FHIT: variants seen among roughly 807,000 people sequenced by gnomAD.
FHIT encodes bis(5'-adenosyl)-triphosphatase.
Under a neutral mutation model 17.9 loss-of-function variants are expected in FHIT, and 19 were observed. That is an observed-to-expected ratio of 1.06 (90% confidence interval 0.74 to 1.56). FHIT has a LOEUF of 1.56. Among genes scored for constraint, FHIT ranks in the 40% most tolerant of loss-of-function variants. The pLI is 0.00. For missense variants in FHIT, 248 were observed against 189.2 expected (o/e 1.31, Z -1.82); for synonymous variants, 81 against 69.7 (o/e 1.16, Z -0.81).
chr3:60,056,508 C>T (rs1405887108), intron 5 of FHIT, among the ~76,000 whole-genome samples: 1 of 152,228 alleles, frequency 6.6e-6, no homozygotes, highest in Non-Finnish European at 1.5e-5. Flanking sequence ...TGTACCCAAA[C>T]CATCAGCAGT....
At chr3:60,470,584 C>A (rs1481502587) in intron 5 of FHIT, among the ~76,000 whole-genome samples, 1 of 151,926 alleles carries the variant, frequency 6.6e-6, no homozygotes, top group African/African-American at 2.4e-5. Context: ...TGCTGCCAGT[C>A]CTGAGTCTCT....
chr3:61,127,072 T>A (rs2036627970), intron 2 of FHIT, among the ~76,000 whole-genome samples: 1 of 152,178 alleles, frequency 6.6e-6, no homozygotes, highest in Non-Finnish European at 1.5e-5. Flanking sequence ...CCATCTCTTC[T>A]CCAAGGCAAG....
chr3:60,115,853 T>G (rs1427371256), intron 5 of FHIT, among the ~76,000 whole-genome samples: 1 of 148,954 alleles, frequency 6.7e-6, no homozygotes, highest in Non-Finnish European at 1.5e-5. Context: ...ACATATATAT[T>G]ATAAATCTAC....
intron 5 of FHIT, among the ~76,000 whole-genome samples, chr3:60,297,218 T>C (rs1708252606): frequency 6.7e-6 from 1 of 148,562 alleles, no homozygotes; most frequent in Non-Finnish European, 1.5e-5. Flanking sequence ...ATTAAAACTC[T>C]GTATCAACTT....
At chr3:60,105,553 A>T (rs746199140) in intron 5 of FHIT, among the ~76,000 whole-genome samples, 7 of 152,196 alleles carry the variant, frequency 4.6e-5, no homozygotes, top group Non-Finnish European at 4.4e-5. Flanking sequence ...GGTGAAACAT[A>T]TAAGAATATT....
intron 5 of FHIT, among the ~76,000 whole-genome samples, chr3:60,102,945 G>T (rs1364672766): frequency 6.6e-6 from 1 of 152,174 alleles, no homozygotes; most frequent in African/African-American, 2.4e-5. Context: ...GTGCCATATG[G>T]GGGAGTTGTG....
At chr3:61,233,415 C>T (rs1166515967) in intron 1 of FHIT, among the ~76,000 whole-genome samples, 1 of 152,202 alleles carries the variant, frequency 6.6e-6, no homozygotes, top group Non-Finnish European at 1.5e-5. Context: ...CCGTAGAATA[C>T]TCAGTGGCAC....
intron 5 of FHIT, among the ~76,000 whole-genome samples, chr3:60,436,583 T>A (rs1264959675): frequency 6.6e-6 from 1 of 151,952 alleles, no homozygotes; most frequent in Non-Finnish European, 1.5e-5. Flanking sequence ...TTTACTTTGA[T>A]ATTTCAGCAG....
chr3:59,759,536 G>A (rs1376839019), intron 8 of FHIT, among the ~76,000 whole-genome samples: 1 of 152,140 alleles, frequency 6.6e-6, no homozygotes, highest in Non-Finnish European at 1.5e-5. Context: ...TGGCTTCCCT[G>A]CCAAGATTGC....
Position 60,168,381 on chromosome 3 carries a change from T to C in FHIT, c.104-154229A>G, listed in dbSNP as rs527395910. 3.3e-5 allele frequency among the ~76,000 whole-genome samples: 5 copies of C among 152,280 alleles called. 1 individual carries two copies. The East Asian group carries it at 7.8e-4, about 24-fold the overall frequency. On this transcript the variant is annotated intron_variant, in intron 5 of 9. Transcript: ENST00000492590. ...CATGAGCCCTCTGATTATGCAAGGT[T>C]CCTGTTAATGGATCTCTGCCAATAC...
chr3:59,918,322 C>A (rs1413470040), intron 8 of FHIT, among the ~76,000 whole-genome samples: 1 of 151,882 alleles, frequency 6.6e-6, no homozygotes, highest in Non-Finnish European at 1.5e-5. Context: ...TTGGGGGATG[C>A]AGGTATTGAA....
At chr3:60,791,434 A>C (rs183941224) in intron 4 of FHIT, among the ~76,000 whole-genome samples, 1 of 152,322 alleles carries the variant, frequency 6.6e-6, no homozygotes, top group East Asian at 1.9e-4. Flanking sequence ...CTGCCTGACC[A>C]TTATTACTTC....
chr3:60,787,179 A>G lies in FHIT; in HGVS notation c.-18+34740T>C, dbSNP rs574889773. On this transcript the variant is annotated intron_variant, in intron 4 of 9. Transcript: ENST00000492590. ...ATGACCCATGTGGGTATAAAGAGAAATTTTTATCATATTAGAAAAAATATA... is the reference window on the plus strand; with the variant it reads ...ATGACCCATGTGGGTATAAAGAGAAGTTTTTATCATATTAGAAAAAATATA... 2.6e-5 allele frequency among the ~76,000 whole-genome samples: 4 copies of G among 152,294 alleles called. 1 individual carries two copies. In the South Asian group the frequency reaches 8.3e-4, roughly 32 times the overall value.
intron 5 of FHIT, among the ~76,000 whole-genome samples, chr3:60,282,027 G>A (rs1398478414): frequency 6.6e-6 from 1 of 152,130 alleles, no homozygotes; most frequent in Non-Finnish European, 1.5e-5. Flanking sequence ...AGAAAGTGGA[G>A]TGATGGGAAC....
intron 3 of FHIT, among the ~76,000 whole-genome samples, chr3:60,857,869 A>C (rs1703452204): frequency 6.6e-6 from 1 of 152,196 alleles, no homozygotes; most frequent in Admixed American, 6.5e-5. Context: ...TCAAGGCTGC[A>C]GTGAGCCATA....
At chr3:59,815,114 C>T (rs995811644) in intron 8 of FHIT, among the ~76,000 whole-genome samples, 2 of 152,114 alleles carry the variant, frequency 1.3e-5, no homozygotes, top group South Asian at 4.1e-4. Context: ...AAGAGTTGGC[C>T]CATCCCTAGA....
intron 5 of FHIT, among the ~76,000 whole-genome samples, chr3:60,214,086 G>A (rs777219900): frequency 6.6e-6 from 1 of 152,156 alleles, no homozygotes. Flanking sequence ...AAGCTAAGTA[G>A]ATACGATTCC....
intron 1 of FHIT, among the ~76,000 whole-genome samples, chr3:61,215,539 G>C (rs2106793606): frequency 6.6e-6 from 1 of 152,254 alleles, no homozygotes; most frequent in East Asian, 1.9e-4. Flanking sequence ...TGGGTAGGAA[G>C]AATCAATATC....
At chr3:61,032,559 A>G (rs1164138197) in intron 3 of FHIT, among the ~76,000 whole-genome samples, 4 of 152,202 alleles carry the variant, frequency 2.6e-5, no homozygotes, top group Non-Finnish European at 4.4e-5. Flanking sequence ...AACCAGAAGG[A>G]GCAGGGAAAA....
Sources: gnomAD v4.1 joint callset for allele counts (sites outside exome capture counted in the v4.1 genomes callset) on GRCh38, gnomAD v4.1.1 for gene constraint, MANE v1.5 for transcripts, NCBI Gene and HGNC (gene_info 2026-07-23, HGNC 2026-07-21) for gene names.